The following PKNOX2 variants were observed in gnomAD, a reference collection of about 807,000 sequenced individuals.
The protein encoded by PKNOX2 is homeobox protein PKNOX2.
PKNOX2 carries 14 observed loss-of-function variants against 53.1 expected under a neutral mutation model. That is an observed-to-expected ratio of 0.26 (90% CI 0.17 to 0.41). The LOEUF (loss-of-function observed/expected upper bound fraction) is 0.41, where lower values mean the gene tolerates loss of function less well. PKNOX2 is among the 10% of genes least tolerant of loss of function. The probability of loss-of-function intolerance (pLI) is 1.00; values close to 1 mark genes in which losing one functional copy is unlikely to be tolerated. For synonymous variants in PKNOX2, 257 were observed against 242.8 expected (o/e 1.06, Z -0.54); for missense variants, 496 against 602.8 (o/e 0.82, Z 1.85).
At chr11:125,330,587 C>A (rs563589838) in intron 2 of PKNOX2, among the ~76,000 whole-genome samples, 1 of 152,104 alleles carries the variant, frequency 6.6e-6, no homozygotes, top group Non-Finnish European at 1.5e-5. Flanking sequence ...TCCCACCTCC[C>A]AGCACCCTTG....
rs2135148892 is a variant in PKNOX2, at chr11:125,165,543, G to A, written c.-201+767G>A. Among the ~76,000 whole-genome samples the A allele has an allele frequency of 6.6e-6, 1 of 152,298 alleles. No individual in the cohort carries two copies. The highest frequency in any genetic ancestry group is 1.9e-4 in the East Asian group (1 of 5,160). The stretch of plus-strand genomic sequence containing the variant: ...CCGGAGGAGTCGAGGAGCCGCGGCC[G>A]CGGCCTGGGGAGGCAGGGCGAATGA... On this transcript the variant is annotated intron_variant, in intron 1 of 12. Transcript: ENST00000298282. The surrounding 1 kb of genome is among the most constrained non-coding windows in gnomAD (Gnocchi z 4.5).
intron 4 of PKNOX2, among the ~76,000 whole-genome samples, chr11:125,358,341 A>C (rs1205402997): frequency 6.6e-6 from 1 of 152,196 alleles, no homozygotes; most frequent in Non-Finnish European, 1.5e-5. Flanking sequence ...GGACTATTAC[A>C]AAAGGGAAGG....
chr11:125,391,783 G>A (rs2135419365), intron 6 of PKNOX2, among the ~76,000 whole-genome samples: 1 of 152,280 alleles, frequency 6.6e-6, no homozygotes, highest in East Asian at 1.9e-4. Flanking sequence ...TCATTATTTT[G>A]AAAGAGAAGG....
At chr11:125,357,792 C>T (rs1565505442) in intron 4 of PKNOX2, among the ~76,000 whole-genome samples, 1 of 152,150 alleles carries the variant, frequency 6.6e-6, no homozygotes, top group East Asian at 1.9e-4. Flanking sequence ...ATTCAGCAAT[C>T]AGGACTTGTA....
intron 6 of PKNOX2, among the ~76,000 whole-genome samples, chr11:125,390,608 T>G (rs1953991245): frequency 6.6e-6 from 1 of 152,260 alleles, no homozygotes; most frequent in South Asian, 2.1e-4. Context: ...CTTTGCTGTT[T>G]AATTCTCACA....
At chr11:125,384,428 G>A (rs1953477566) in intron 5 of PKNOX2, among the ~76,000 whole-genome samples, 1 of 152,198 alleles carries the variant, frequency 6.6e-6, no homozygotes, top group Non-Finnish European at 1.5e-5. Flanking sequence ...GCTCACGCCT[G>A]TAATCTCAGC....
Position 125,223,005 on chromosome 11 carries a change from G to T in PKNOX2, c.-200-12040G>T, listed in dbSNP as rs561552913. Reference sequence around the variant, plus strand: ...CCGGCAGCCTGGAACCACCAAGAAGGATTCTCGTCTGGGATTTTCTAGATG... The same window carrying T: ...CCGGCAGCCTGGAACCACCAAGAAGTATTCTCGTCTGGGATTTTCTAGATG... On this transcript the variant is annotated intron_variant, in intron 1 of 12. Coordinates refer to ENST00000298282, the MANE Select transcript of PKNOX2 (RefSeq NM_001382323.2). 6.6e-5 allele frequency among the ~76,000 whole-genome samples: 10 copies of T among 152,234 alleles called. No individual in the cohort carries two copies. In the South Asian group the frequency reaches 2.1e-3, roughly 32 times the overall value.
intron 6 of PKNOX2, among the ~76,000 whole-genome samples, chr11:125,390,626 T>C (rs1306061529): frequency 6.6e-6 from 1 of 152,214 alleles, no homozygotes; most frequent in East Asian, 1.9e-4. Context: ...ACAAGACCCC[T>C]ATGAAGTAGT....
At chr11:125,322,822 T>A (rs1949601779) in intron 2 of PKNOX2, among the ~76,000 whole-genome samples, 1 of 152,200 alleles carries the variant, frequency 6.6e-6, no homozygotes, top group Admixed American at 6.5e-5. Flanking sequence ...GACAGTTAAG[T>A]CTCAGTTTTG....
chr11:125,392,714 A>C (rs2135424646), intron 6 of PKNOX2, among the ~76,000 whole-genome samples: 1 of 152,238 alleles, frequency 6.6e-6, no homozygotes, highest in East Asian at 1.9e-4. Context: ...AAAATAAATG[A>C]ATAGGTAAGT....
At chr11:125,406,954 C>G (rs1213864519) in intron 7 of PKNOX2, among the ~76,000 whole-genome samples, 1 of 129,990 alleles carries the variant, frequency 7.7e-6, no homozygotes, top group Non-Finnish European at 1.6e-5. Flanking sequence ...AAAGCACACT[C>G]AAGGCAGGTT....
chr11:125,333,549 TACACACACACAC>T (rs57352759), intron 3 of PKNOX2, among the ~76,000 whole-genome samples: 3 of 142,246 alleles, frequency 2.1e-5, no homozygotes, highest in African/African-American at 5.0e-5. Context: ...CACACACACA[TACACACACACAC>T]ACACACACAC....
intron 6 of PKNOX2, among the ~76,000 whole-genome samples, chr11:125,388,217 A>G (rs1428061155): frequency 1.3e-5 from 2 of 152,132 alleles, no homozygotes; most frequent in Non-Finnish European, 2.9e-5. Context: ...CCATCATTAG[A>G]ACAAGAATCA....
intron 1 of PKNOX2, among the ~76,000 whole-genome samples, 173 bp from the exon 2 acceptor site, chr11:125,234,872 G>T (rs890788334): frequency 2.0e-5 from 3 of 152,104 alleles, no homozygotes; most frequent in Non-Finnish European, 2.9e-5. Flanking sequence ...TAATGGTTTT[G>T]CTAGGAGTCT....
chr11:125,336,132 A>G (rs1404538185), intron 3 of PKNOX2, among the ~76,000 whole-genome samples: 2 of 152,132 alleles, frequency 1.3e-5, no homozygotes, highest in Non-Finnish European at 2.9e-5. Context: ...ATGCATAATT[A>G]TTTATTTATT....
At chr11:125,303,427 T>C (rs1479995255) in intron 2 of PKNOX2, among the ~76,000 whole-genome samples, 1 of 152,012 alleles carries the variant, frequency 6.6e-6, no homozygotes, top group Non-Finnish European at 1.5e-5. Flanking sequence ...CCAGCCCCCC[T>C]GCCACATTCC....
intron 2 of PKNOX2, among the ~76,000 whole-genome samples, chr11:125,244,220 G>A (rs1466719940): frequency 6.6e-6 from 1 of 152,278 alleles, no homozygotes; most frequent in Non-Finnish European, 1.5e-5. Flanking sequence ...CAGCAAGGCT[G>A]ATCTTCCTTG....
chr11:125,334,896 G>A (rs777664266), intron 3 of PKNOX2, among the ~76,000 whole-genome samples: 2 of 152,032 alleles, frequency 1.3e-5, no homozygotes, highest in African/African-American at 2.4e-5. Flanking sequence ...GAGCCACTGC[G>A]CCCAGACACT....
chr11:125,395,667 T>C (rs1954336240), intron 6 of PKNOX2, among the ~76,000 whole-genome samples: 1 of 152,232 alleles, frequency 6.6e-6, no homozygotes, highest in African/African-American at 2.4e-5. Context: ...TGCATTTCCC[T>C]AGTGACTAAT....
Sources: gnomAD v4.1 joint callset for allele counts (sites outside exome capture counted in the v4.1 genomes callset) on GRCh38, gnomAD v4.1.1 for gene constraint, Gnocchi (gnomAD v3.1) non-coding constraint, MANE v1.5 for transcripts, NCBI Gene and HGNC (gene_info 2026-07-23, HGNC 2026-07-21) for gene names.